The following DLG2 variants were observed in gnomAD, a reference collection of about 807,000 sequenced individuals.
DLG2 encodes disks large homolog 2.
In DLG2, 45 loss-of-function variants were observed where a neutral mutation model predicts 132.5. The observed-to-expected ratio is 0.34, with a 90% CI of 0.27 to 0.44. The LOEUF is 0.44. DLG2 is among the 20% of genes least tolerant of loss of function. The probability of loss-of-function intolerance (pLI) is 1.00; values close to 1 mark genes in which losing one functional copy is unlikely to be tolerated. For synonymous variants in DLG2, 424 were observed against 419.6 expected, an observed-to-expected ratio of 1.01 and a Z score of -0.13; for missense variants, 1,045 against 1,196.9, an observed-to-expected ratio of 0.87 and a Z score of 1.87.
chr11:85,022,923 A>G (rs1245594550), intron 6 of DLG2, among the ~76,000 whole-genome samples: 1 of 152,108 alleles, frequency 6.6e-6, no homozygotes, highest in Non-Finnish European at 1.5e-5. Flanking sequence ...ATATCCTCCA[A>G]GGGAAAAAAA....
chr11:85,554,614 C>CT lies in DLG2; in HGVS notation c.40+44042_40+44043insA, dbSNP rs768098856. ...AGTCCCTCCCTAAAACTAACCCTCTCCTTGCTTAAGGACCAAAACTGCCTT... is the reference window on the plus strand; with the variant it reads ...AGTCCCTCCCTAAAACTAACCCTCTCTCTTGCTTAAGGACCAAAACTGCCTT... On this transcript the variant is annotated intron_variant, in intron 3 of 27. Transcript: ENST00000376104. Among the ~76,000 whole-genome samples, 66 of 151,802 alleles carry CT rather than the reference C, an allele frequency of 4.3e-4. 2 individuals are homozygous for CT. Among genetic ancestry groups the CT allele is most frequent in the Non-Finnish European group, 6.8e-4 (46 of 67,854 alleles).
intron 21 of DLG2, among the ~76,000 whole-genome samples, chr11:83,484,537 C>T (rs1032626753): frequency 2.6e-5 from 4 of 151,876 alleles, no homozygotes; most frequent in South Asian, 2.1e-4. Flanking sequence ...GCTGGCTCTA[C>T]GTCTTGCTAG....
Position 85,538,102 on chromosome 11 carries a change from C to T in DLG2, c.40+60555G>A, listed in dbSNP as rs566389267. ...CTGCACTCCAGCCTGGGTGACAGAG[C>T]GAGACTCCGTCTCAAAAAATAATAA... On this transcript the variant is annotated intron_variant, in intron 3 of 27. Coordinates refer to ENST00000376104, the MANE Select transcript of DLG2 (RefSeq NM_001142699.3). Among the ~76,000 whole-genome samples the T allele has an allele frequency of 6.1e-4, 92 of 151,680 alleles. 5 individuals carry two copies. The highest frequency in any genetic ancestry group is 1.9e-3 in the African/African-American group (78 of 41,176).
intron 10 of DLG2, among the ~76,000 whole-genome samples, chr11:84,076,735 T>C (rs1270304109): frequency 6.6e-6 from 1 of 152,192 alleles, no homozygotes; most frequent in Non-Finnish European, 1.5e-5. Flanking sequence ...CACTATGATC[T>C]CCAAATGTAA....
chr11:83,651,901 C>G (rs749480543), intron 18 of DLG2: 2 of 470,932 alleles, frequency 4.2e-6, no homozygotes, highest in South Asian at 1.5e-5. Context: ...CTAGAAGAAG[C>G]CCTGGTGAAA....
intron 7 of DLG2, among the ~76,000 whole-genome samples, chr11:84,333,503 T>G (rs1056202129): frequency 6.6e-5 from 10 of 152,336 alleles, no homozygotes; most frequent in African/African-American, 2.4e-4. Flanking sequence ...AAAAGCAATC[T>G]AAAGCAATCA....
intron 3 of DLG2, among the ~76,000 whole-genome samples, chr11:85,455,804 T>G (rs980318531): frequency 6.6e-6 from 1 of 152,204 alleles, no homozygotes; most frequent in Non-Finnish European, 1.5e-5. Context: ...TTTTAAGTTC[T>G]GTTTATGTGT....
chr11:85,061,539 T>A (rs952200224), intron 6 of DLG2, among the ~76,000 whole-genome samples: 10 of 151,760 alleles, frequency 6.6e-5, no homozygotes, highest in Admixed American at 2.6e-4. Flanking sequence ...CAGTCAAGGC[T>A]CAAAAAAATA....
At position 84,950,333 on chromosome 11, in the gene DLG2, C is replaced by T. The variant is rs185116693; in HGVS notation, c.357+161328G>A. ...TGTGGGTGTTATCTAATTCCAAGCC[C>T]TAGTCAGAGCAAATATGGCTATTTT... On this transcript the variant is annotated intron_variant, in intron 6 of 27. Transcript: ENST00000376104. 3.9e-5 allele frequency among the ~76,000 whole-genome samples: 6 copies of T among 152,134 alleles called. 1 individual carries two copies. In the East Asian group the frequency reaches 1.2e-3, roughly 29 times the overall value.
At chr11:83,732,381 G>A (rs1000793509) in intron 18 of DLG2, among the ~76,000 whole-genome samples, 26 of 152,254 alleles carry the variant, frequency 1.7e-4, no homozygotes, top group Admixed American at 7.8e-4. Context: ...TCATGTTGGG[G>A]AGCTTAATAC....
intron 6 of DLG2, among the ~76,000 whole-genome samples, chr11:84,896,967 A>T (rs1334625737): frequency 6.6e-6 from 1 of 151,828 alleles, no homozygotes; most frequent in Non-Finnish European, 1.5e-5. Flanking sequence ...GGACTACTGT[A>T]CATACAATTT....
chr11:83,859,773 C>A (rs2061142093), intron 16 of DLG2, among the ~76,000 whole-genome samples: 1 of 152,162 alleles, frequency 6.6e-6, no homozygotes, highest in Non-Finnish European at 1.5e-5. Flanking sequence ...AGACCTAGAT[C>A]TTTATGGCAG....
rs535016858 is a variant in DLG2, at chr11:83,884,249, G to A, written c.1497-9761C>T. Among the ~76,000 whole-genome samples, 30 of 152,320 alleles carry A rather than the reference G, an allele frequency of 2.0e-4. 1 individual carries two copies. The highest frequency in any genetic ancestry group is 3.1e-4 in the Non-Finnish European group (21 of 68,040). Reference sequence around the variant, plus strand: ...CGGGTCACTCCCACCCTAATACTGCGCTTTTCCGACGGGCTTAAAAAACGG... The same window carrying A: ...CGGGTCACTCCCACCCTAATACTGCACTTTTCCGACGGGCTTAAAAAACGG... On this transcript the variant is annotated intron_variant, in intron 15 of 27. Coordinates refer to ENST00000376104, the MANE Select transcript of DLG2 (RefSeq NM_001142699.3).
intron 18 of DLG2, 24 bp from the exon 19 acceptor site, chr11:83,633,349 A>C: frequency 6.2e-7 from 1 of 1,602,604 alleles, no homozygotes; most frequent in Non-Finnish European, 8.5e-7. Context: ...CAAAGGTAGC[A>C]AATTTTGCTC....
At chr11:85,039,357 G>A (rs1593095514) in intron 6 of DLG2, among the ~76,000 whole-genome samples, 1 of 151,760 alleles carries the variant, frequency 6.6e-6, no homozygotes, top group South Asian at 2.1e-4. Context: ...ATCAGTACAC[G>A]CCAAATGCTG....
At chr11:84,081,731 G>T (rs2096906963) in intron 10 of DLG2, among the ~76,000 whole-genome samples, 1 of 152,198 alleles carries the variant, frequency 6.6e-6, no homozygotes, top group Non-Finnish European at 1.5e-5. Flanking sequence ...ATGGACATTT[G>T]GGTTGCTTCC....
At chr11:84,451,510 G>A (rs970663217) in intron 7 of DLG2, among the ~76,000 whole-genome samples, 6 of 151,794 alleles carry the variant, frequency 4.0e-5, no homozygotes, top group African/African-American at 1.4e-4. Flanking sequence ...GATATGCTAA[G>A]TTTTAGATAT....
chr11:85,593,515 A>C (rs1296286804), intron 3 of DLG2, among the ~76,000 whole-genome samples: 2 of 152,286 alleles, frequency 1.3e-5, no homozygotes, highest in East Asian at 3.9e-4. Flanking sequence ...TCTCTTTTTG[A>C]AGATTACAGC....
chr11:84,891,603 C>A (rs1439708831), intron 6 of DLG2, among the ~76,000 whole-genome samples: 1 of 151,910 alleles, frequency 6.6e-6, no homozygotes, highest in African/African-American at 2.4e-5. Context: ...AATAACAAAC[C>A]TTAAAAATAT....
Sources: allele counts gnomAD v4.1 joint callset (sites outside exome capture counted in the v4.1 genomes callset), GRCh38; gene constraint gnomAD v4.1.1; transcripts MANE v1.5; gene names NCBI Gene and HGNC (gene_info 2026-07-23, HGNC 2026-07-21).